GTF2E2: variants seen among roughly 807,000 people sequenced by gnomAD.
The protein encoded by GTF2E2 is general transcription factor IIE subunit 2, also known as transcription initiation factor IIE subunit beta.
In GTF2E2, 21 loss-of-function variants were observed where a neutral mutation model predicts 40.5. That is an observed-to-expected ratio of 0.52 (90% CI 0.37 to 0.75). The LOEUF (loss-of-function observed/expected upper bound fraction) is 0.75, where lower values mean the gene tolerates loss of function less well. Ranked by LOEUF, GTF2E2 falls within the 30% of genes least tolerant of loss-of-function variation. GTF2E2 has a pLI of 0.00. For missense variants in GTF2E2, 298 were observed against 338.4 expected, an observed-to-expected ratio of 0.88 and a Z score of 0.94; for synonymous variants, 117 against 121.6, an observed-to-expected ratio of 0.96 and a Z score of 0.25.
chr8:30,623,473 CAT>C (rs1181966766), intron 3 of GTF2E2, among the ~76,000 whole-genome samples: 3 of 152,140 alleles, frequency 2.0e-5, no homozygotes, highest in Non-Finnish European at 4.4e-5. Flanking sequence ...CTGCAATAAA[CAT>C]ATGCGTGCAT....
intron 2 of GTF2E2, among the ~76,000 whole-genome samples, chr8:30,639,962 A>G (rs570005978): frequency 6.6e-6 from 1 of 152,342 alleles, no homozygotes; most frequent in Admixed American, 6.5e-5. Flanking sequence ...CAAAAGTCTC[A>G]GATAAAATAA....
intron 2 of GTF2E2, among the ~76,000 whole-genome samples, chr8:30,650,312 A>C (rs1331723855): frequency 6.6e-6 from 1 of 152,220 alleles, no homozygotes; most frequent in African/African-American, 2.4e-5. Flanking sequence ...TTAATATATC[A>C]TATTAATAGA....
At chr8:30,649,396 T>C (rs1331819205) in intron 2 of GTF2E2, among the ~76,000 whole-genome samples, 1 of 150,856 alleles carries the variant, frequency 6.6e-6, no homozygotes, top group Non-Finnish European at 1.5e-5. Flanking sequence ...AATACTGATG[T>C]GGAAATAAAA....
chr8:30,588,396 A>C (rs1828744120), intron 6 of GTF2E2, among the ~76,000 whole-genome samples: 1 of 152,222 alleles, frequency 6.6e-6, no homozygotes, highest in African/African-American at 2.4e-5. Context: ...TAGCCTTAAA[A>C]AAGAAAGGAA....
At chr8:30,605,166 A>G (rs932525709) in intron 6 of GTF2E2, among the ~76,000 whole-genome samples, 4 of 152,246 alleles carry the variant, frequency 2.6e-5, no homozygotes, top group African/African-American at 9.6e-5. Context: ...CACAACAGAC[A>G]TGCTACACTA....
intron 2 of GTF2E2, among the ~76,000 whole-genome samples, chr8:30,640,297 A>C (rs1362924820): frequency 1.3e-5 from 2 of 152,230 alleles, no homozygotes; most frequent in Non-Finnish European, 2.9e-5. Flanking sequence ...CAGCAAAAGC[A>C]TAACTTTATT....
At chr8:30,631,028 A>T (rs1334950918) in intron 3 of GTF2E2, among the ~76,000 whole-genome samples, 1 of 152,082 alleles carries the variant, frequency 6.6e-6, no homozygotes, top group African/African-American at 2.4e-5. Context: ...TTTTTCAAGA[A>T]TTCTTATTTT....
At chr8:30,636,966 A>G (rs1442006711) in intron 2 of GTF2E2, 1 of 441,884 alleles carries the variant, frequency 2.3e-6, no homozygotes, top group Non-Finnish European at 4.5e-6. Context: ...CACATCTGTA[A>G]TAAAAGTAAC....
intron 2 of GTF2E2, among the ~76,000 whole-genome samples, chr8:30,636,314 A>C (rs575208724): frequency 1.3e-5 from 2 of 152,326 alleles, no homozygotes; most frequent in African/African-American, 4.8e-5. Context: ...AGAGAGGTTA[A>C]GTAAAAGGGG....
chr8:30,633,717 A>T (rs1585987836), intron 3 of GTF2E2, among the ~76,000 whole-genome samples: 1 of 152,134 alleles, frequency 6.6e-6, no homozygotes. Flanking sequence ...TGAGGGTGGC[A>T]TTTTTTTCTG....
rs760282859 is a variant in GTF2E2, at chr8:30,612,301, T to C, written c.547A>G (p.Lys183Glu). The part of the protein sequence containing the change: ...EALPNSQKAV[K>E]ALGDQILFVN... ...CATAGAAAGAAAAGAGAGATTACCT[T>C]GACAGCTTTCTGGGAATTGGGCAGT... is the stretch of plus-strand genomic sequence containing the variant. Residue 183 changes from lysine to glutamate, a missense_variant and splice_region_variant, in exon 5 of 8, where the codon AAG becomes GAG. Transcript: ENST00000355904. 2.5e-6 allele frequency: 4 copies of C among 1,587,272 alleles called. No individual in the cohort carries two copies. Among genetic ancestry groups the C allele is most frequent in the East Asian group, 2.2e-5 (1 of 44,760 alleles).
At chr8:30,595,336 T>C (rs1828969934) in intron 6 of GTF2E2, among the ~76,000 whole-genome samples, 1 of 152,236 alleles carries the variant, frequency 6.6e-6, no homozygotes, top group African/African-American at 2.4e-5. Context: ...TTTATGGTCA[T>C]CTTTCAGAGA....
intron 5 of GTF2E2, 25 bp downstream of exon 5, chr8:30,612,274 G>A (rs375579130): frequency 1.0e-4 from 139 of 1,378,006 alleles, no homozygotes; most frequent in Non-Finnish European, 1.3e-4. Context: ...ATTATATTAA[G>A]ACATAGAAAG....
In GTF2E2 at chr8:30,585,939, G is replaced by A. The variant is rs377615027; in HGVS notation, c.644-5543C>T. The stretch of plus-strand genomic sequence containing the variant: ...ATCTCAAAAATTTAAAAAACAAGCC[G>A]GGCATGGTGGTGTTCACTTGTAGTC... On this transcript the variant is annotated intron_variant, in intron 6 of 7. Transcript: ENST00000355904. Among the ~76,000 whole-genome samples, 6 of 151,906 alleles carry A rather than the reference G, an allele frequency of 3.9e-5. 1 individual carries two copies. The highest frequency in any genetic ancestry group is 1.9e-4 in the East Asian group (1 of 5,186).
At chr8:30,649,756 G>C (rs888543544) in intron 2 of GTF2E2, among the ~76,000 whole-genome samples, 1 of 152,168 alleles carries the variant, frequency 6.6e-6, no homozygotes, top group African/African-American at 2.4e-5. Context: ...CTGAGAGACA[G>C]AGCAAGACTC....
At position 30,635,296 on chromosome 8, in the gene GTF2E2, C is replaced by G. The variant is rs371859014; in HGVS notation, c.167-173G>C. On this transcript the variant is annotated intron_variant, in intron 2 of 7. Coordinates refer to ENST00000355904, the MANE Select transcript of GTF2E2 (RefSeq NM_002095.6). ...TCTTTGAGTATATACATTAAAGTACCAATTTTCTCACTAAGGGTAGAAACA... is the reference window on the plus strand; with the variant it reads ...TCTTTGAGTATATACATTAAAGTACGAATTTTCTCACTAAGGGTAGAAACA... Among the ~76,000 whole-genome samples, 4 of 152,088 alleles carry G rather than the reference C, an allele frequency of 2.6e-5. No homozygotes were observed. In the East Asian group the frequency reaches 7.7e-4, roughly 29 times the overall value.
At chr8:30,611,625 A>C (rs1053804226) in intron 5 of GTF2E2, among the ~76,000 whole-genome samples, 1 of 152,204 alleles carries the variant, frequency 6.6e-6, no homozygotes, top group Non-Finnish European at 1.5e-5. Flanking sequence ...TTAATAGAAC[A>C]GAAAAAAAAT....
At chr8:30,580,185 G>A (rs1012779578) in intron 7 of GTF2E2, 96 bp downstream of exon 7, 7 of 725,122 alleles carry the variant, frequency 9.7e-6, no homozygotes, top group African/African-American at 7.0e-5. Flanking sequence ...AAACAATGGC[G>A]GGGGAACAAC....
At chr8:30,608,199 A>T (rs1468869468) in intron 5 of GTF2E2, among the ~76,000 whole-genome samples, 1 of 151,840 alleles carries the variant, frequency 6.6e-6, no homozygotes, top group East Asian at 1.9e-4. Flanking sequence ...CATCATAGGA[A>T]TAAAGTCTCA....
Sources: gnomAD v4.1 joint callset for allele counts (sites outside exome capture counted in the v4.1 genomes callset) on GRCh38, gnomAD v4.1.1 for gene constraint, MANE v1.5 for transcripts, NCBI Gene and HGNC (gene_info 2026-07-23, HGNC 2026-07-21) for gene names.